GRIN2B: variants seen among roughly 807,000 people sequenced by gnomAD.
GRIN2B encodes the protein glutamate receptor ionotropic, NMDA 2B.
Under a neutral mutation model 114.5 loss-of-function variants are expected in GRIN2B, and 5 were observed. That is an observed-to-expected ratio of 0.04 (90% confidence interval 0.02 to 0.09). The LOEUF is 0.09. Among genes scored for constraint, GRIN2B ranks in the 10% least tolerant of loss-of-function variants. The pLI, the probability that GRIN2B is intolerant of heterozygous loss-of-function variation, is 1.00. For synonymous variants in GRIN2B, 787 were observed against 745.1 expected (o/e 1.06, Z -0.92); for missense variants, 1,108 against 1,943.5 (o/e 0.57, Z 8.08).
chr12:13,859,647 T>A (rs1190563709), intron 3 of GRIN2B, among the ~76,000 whole-genome samples: 1 of 152,082 alleles, frequency 6.6e-6, no homozygotes, highest in African/African-American at 2.4e-5. Flanking sequence ...TGGGAAAAAG[T>A]CTTAAAGTCA....
At chr12:13,895,044 ATGTACTT>A (rs1432224226) in intron 2 of GRIN2B, among the ~76,000 whole-genome samples, 5 of 152,204 alleles carry the variant, frequency 3.3e-5, no homozygotes, top group Non-Finnish European at 7.3e-5. Flanking sequence ...ATAAAGGCAT[ATGTACTT>A]TGTGTAATTT....
chr12:13,886,966 C>T (rs1279994808), intron 2 of GRIN2B, among the ~76,000 whole-genome samples: 1 of 152,158 alleles, frequency 6.6e-6, no homozygotes, highest in African/African-American at 2.4e-5. Flanking sequence ...CCCCATTTAA[C>T]AGACGAATAA....
chr12:13,667,112 G>A (rs1364424169), intron 5 of GRIN2B, among the ~76,000 whole-genome samples: 4 of 152,092 alleles, frequency 2.6e-5, no homozygotes, highest in Non-Finnish European at 2.9e-5. Flanking sequence ...TTGGGAACGT[G>A]AGTCTGAATT....
intron 3 of GRIN2B, among the ~76,000 whole-genome samples, chr12:13,823,411 T>C (rs1712119189): frequency 6.6e-6 from 1 of 152,050 alleles, no homozygotes; most frequent in African/African-American, 2.4e-5. Context: ...ATTTTTTCCA[T>C]GGTTTTGATG....
At chr12:13,834,319 G>A (rs1021536229) in intron 3 of GRIN2B, among the ~76,000 whole-genome samples, 2 of 151,358 alleles carry the variant, frequency 1.3e-5, no homozygotes, top group Non-Finnish European at 2.9e-5. Flanking sequence ...TGACAGGCAT[G>A]AGCCACCATG....
chr12:13,878,219 A>G (rs1478038239), intron 2 of GRIN2B, among the ~76,000 whole-genome samples: 1 of 152,154 alleles, frequency 6.6e-6, no homozygotes, highest in East Asian at 1.9e-4. Context: ...ATGAGTAGGA[A>G]CAAGACCAAG....
At chr12:13,640,016 C>G (rs1278799373) in intron 5 of GRIN2B, among the ~76,000 whole-genome samples, 1 of 152,096 alleles carries the variant, frequency 6.6e-6, no homozygotes, top group Non-Finnish European at 1.5e-5. Flanking sequence ...AGTTTTTCCA[C>G]TTATGGTATC....
chr12:13,802,901 G>A (rs540529237), intron 3 of GRIN2B, among the ~76,000 whole-genome samples: 21 of 152,006 alleles, frequency 1.4e-4, no homozygotes, highest in Non-Finnish European at 2.4e-4. Flanking sequence ...CAGTTAACTC[G>A]GGAACACACA....
chr12:13,825,493 A>ATATGTATTTTTTTT (rs1555144006), intron 3 of GRIN2B, among the ~76,000 whole-genome samples: 1 of 28,132 alleles, frequency 3.6e-5, no homozygotes, highest in Non-Finnish European at 7.6e-5. Context: ...ATATATATAT[A>ATATGTATTTTTTTT]TTTTGTGTGT....
At chr12:13,925,984 A>G (rs1016585094) in intron 2 of GRIN2B, among the ~76,000 whole-genome samples, 2 of 152,192 alleles carry the variant, frequency 1.3e-5, no homozygotes, top group Non-Finnish European at 2.9e-5. Context: ...GTACACAGAA[A>G]GAATACGTTT....
rs1948476185 is a variant in GRIN2B at position 13,556,093 on chromosome 12, TGAAG to T, written c.*6686_*6689del. On this transcript the variant is annotated 3_prime_UTR_variant, in exon 14 of 14. Transcript: ENST00000609686. ...ATGGACCAGAACAACAGAGGGGTCTTGAAGGAAGGAAGATATAGAAAAGGCAAGG... is the reference window on the plus strand; with the variant it reads ...ATGGACCAGAACAACAGAGGGGTCTTGAAGGAAGATATAGAAAAGGCAAGG... The T allele has an allele frequency of 6.6e-6, 1 of 152,088 alleles. No individual in the cohort carries two copies. The highest frequency in any genetic ancestry group is 2.1e-4 in the South Asian group (1 of 4,802). The allele number at this position is 152,088 out of a possible 1,614,324, so 9.4% of individuals were successfully genotyped here.
At chr12:13,608,304 G>A (rs939644781) in intron 10 of GRIN2B, among the ~76,000 whole-genome samples, 4 of 152,132 alleles carry the variant, frequency 2.6e-5, no homozygotes, top group African/African-American at 9.7e-5. Flanking sequence ...TGTGCAGATA[G>A]GCCACCCAAC....
chr12:13,667,529 G>T (rs1415818063), intron 5 of GRIN2B, among the ~76,000 whole-genome samples: 1 of 152,132 alleles, frequency 6.6e-6, no homozygotes, highest in Non-Finnish European at 1.5e-5. Context: ...ATTTTCATAT[G>T]AGAACCAGAG....
In GRIN2B at chr12:13,811,310, G is replaced by T. The variant is rs972057536; in HGVS notation, c.411+54488C>A. 3.3e-5 allele frequency among the ~76,000 whole-genome samples: 5 copies of T among 152,290 alleles called. 1 individual carries two copies. In the Middle Eastern group the frequency reaches 0.017, roughly 518 times the overall value. ...ATGATGGCTCATGCCTGTAATCCCA[G>T]GTTTTGGTTTTTTTTGGTTTCGGTT... On this transcript the variant is annotated intron_variant, in intron 3 of 13. Coordinates refer to ENST00000609686, the MANE Select transcript of GRIN2B (RefSeq NM_000834.5).
chr12:13,609,765 T>C (rs2136472065), intron 9 of GRIN2B, among the ~76,000 whole-genome samples: 1 of 141,406 alleles, frequency 7.1e-6, no homozygotes, highest in East Asian at 2.0e-4. Context: ...AGAGCAAGAC[T>C]CTGTCTCAAA....
chr12:13,782,878 C>T (rs757823958), intron 3 of GRIN2B, among the ~76,000 whole-genome samples: 16 of 152,114 alleles, frequency 1.1e-4, no homozygotes, highest in Non-Finnish European at 1.5e-4. Flanking sequence ...GGAAAGAGTC[C>T]ACCCACTAGC....
At chr12:13,565,221 G>A (rs1948622508) in intron 13 of GRIN2B, among the ~76,000 whole-genome samples, 1 of 152,168 alleles carries the variant, frequency 6.6e-6, no homozygotes, top group Admixed American at 6.5e-5. Context: ...CTCTTCTTGA[G>A]CCAAGCATGA....
chr12:13,627,576 C>G (rs1386457858), intron 5 of GRIN2B, among the ~76,000 whole-genome samples: 1 of 152,212 alleles, frequency 6.6e-6, no homozygotes, highest in Non-Finnish European at 1.5e-5. Context: ...TTGCAAGTGA[C>G]AGGCAGATTC....
intron 5 of GRIN2B, among the ~76,000 whole-genome samples, chr12:13,642,457 T>C (rs1949728258): frequency 6.6e-6 from 1 of 152,104 alleles, no homozygotes; most frequent in Non-Finnish European, 1.5e-5. Context: ...CTAGACCTTA[T>C]CTTCATCAAA....
Sources: allele counts gnomAD v4.1 joint callset (sites outside exome capture counted in the v4.1 genomes callset), GRCh38; gene constraint gnomAD v4.1.1; transcripts MANE v1.5; gene names NCBI Gene and HGNC (gene_info 2026-07-23, HGNC 2026-07-21).